MYPN: variants seen among roughly 807,000 people sequenced by gnomAD.
MYPN encodes sarcomeric protein myopalladin, 145 kDa (MYOP).
MYPN carries 63 observed loss-of-function variants against 129.4 expected under a neutral mutation model. The ratio of observed to expected loss-of-function variants is 0.49; its 90% confidence interval spans 0.40 to 0.60. MYPN has a LOEUF of 0.60. Among genes scored for constraint, MYPN ranks in the 20% least tolerant of loss-of-function variants. The pLI, the probability that MYPN is intolerant of heterozygous loss-of-function variation, is 0.00. For synonymous variants in MYPN, 629 were observed against 600.9 expected, an observed-to-expected ratio of 1.05 and a Z score of -0.68; for missense variants, 1,596 against 1,635.4, an observed-to-expected ratio of 0.98 and a Z score of 0.42.
chr10:68,184,709 G>C (rs1165994635), intron 12 of MYPN, among the ~76,000 whole-genome samples: 1 of 152,228 alleles, frequency 6.6e-6, no homozygotes, highest in African/African-American at 2.4e-5. Context: ...CAGCAGGGTT[G>C]GGTCTGGGGA....
intron 6 of MYPN, among the ~76,000 whole-genome samples, chr10:68,155,628 G>T (rs186157812): frequency 6.6e-6 from 1 of 152,316 alleles, no homozygotes; most frequent in East Asian, 1.9e-4. Context: ...ACCTACTGTT[G>T]TGATGAACGT....
Position 68,145,445 on chromosome 10 carries a change from C to T in MYPN, c.1079-30C>T, listed in dbSNP as rs748225540. On this transcript the variant is annotated intron_variant, in intron 3 of 19. Transcript: ENST00000358913. ...CCAATTTAAGAAATTGTCATCTTAACAATCTTATGTCTTGTTTTTATTTTT... is the reference window on the plus strand; with the variant it reads ...CCAATTTAAGAAATTGTCATCTTAATAATCTTATGTCTTGTTTTTATTTTT... 60 of 1,593,510 alleles carry T rather than the reference C, an allele frequency of 3.8e-5. 1 individual carries two copies. The Middle Eastern group carries it at 5.1e-4, about 13-fold the overall frequency.
rs563194033 is a variant in MYPN at position 68,126,520 on chromosome 10, G to A, written c.902+4180G>A. On this transcript the variant is annotated intron_variant, in intron 2 of 19. Coordinates refer to ENST00000358913, the MANE Select transcript of MYPN (RefSeq NM_032578.4). ...GCCATGAAGCCACTTAGGAAGCTGC[G>A]GAAGGTATCCTAGGCATCTGATGCT... Among the ~76,000 whole-genome samples the A allele has an allele frequency of 1.7e-4, 26 of 152,280 alleles. No individual in the cohort carries two copies. The East Asian group carries it at 3.5e-3, about 20-fold the overall frequency.
intron 3 of MYPN, among the ~76,000 whole-genome samples, chr10:68,143,622 G>A (rs957020120): frequency 9.9e-5 from 15 of 151,846 alleles, no homozygotes; most frequent in African/African-American, 3.6e-4. Flanking sequence ...GAAGGAGGGA[G>A]GTAAGCAGAT....
intron 12 of MYPN, among the ~76,000 whole-genome samples, chr10:68,177,268 C>T (rs756888487): frequency 2.0e-5 from 3 of 152,172 alleles, no homozygotes; most frequent in Admixed American, 6.5e-5. Context: ...CTGGACTAAT[C>T]GCAGGAACTA....
rs186381346 is a variant in MYPN at position 68,175,435 on chromosome 10, T to G, written c.2677T>G (p.Phe893Val). The G allele has an allele frequency of 6.2e-7, 1 of 1,614,098 alleles. No individual in the cohort carries two copies. Among genetic ancestry groups the G allele is most frequent in the East Asian group, 2.2e-5 (1 of 44,880 alleles). ...TCGAGACTTGGGGAAAAAAATAACT[T>G]TCAGTGATGTCAGACCAAACCAGCA... The part of the protein sequence containing the change: ...VIRDLGKKIT[F>V]SDVRPNQQEY... Residue 893 changes from phenylalanine (F) to valine (V), a missense_variant, in exon 12 of 20, where the codon TTC (phenylalanine) becomes GTC (valine). By Grantham distance (50) the Phe-to-Val change is conservative (BLOSUM62 -1). Transcript: ENST00000358913.
In MYPN at chr10:68,162,694, G is replaced by T. The variant is rs146292988; in HGVS notation, c.1483+942G>T. 1.9e-3 allele frequency among the ~76,000 whole-genome samples: 283 copies of T among 152,286 alleles called. 1 individual carries two copies. Among genetic ancestry groups the T allele is most frequent in the African/African-American group, 6.4e-3 (266 of 41,566 alleles). On this transcript the variant is annotated intron_variant, in intron 8 of 19. Transcript: ENST00000358913. ...CTTCAGGCCGGGCATGGTGGTTCACGCCTGTAATCCCAGCACTTTGGGAGG... is the reference window on the plus strand; with the variant it reads ...CTTCAGGCCGGGCATGGTGGTTCACTCCTGTAATCCCAGCACTTTGGGAGG...
At chr10:68,197,269 CT>C (rs1228837261) in intron 15 of MYPN, 82 bp from the exon 16 acceptor site, 3 of 1,521,858 alleles carry the variant, frequency 2.0e-6, no homozygotes, top group African/African-American at 1.4e-5. Flanking sequence ...TTCTCTAGGT[CT>C]GTAGCCATGC....
intron 2 of MYPN, among the ~76,000 whole-genome samples, chr10:68,132,948 A>C (rs2134030177): frequency 6.6e-6 from 1 of 151,970 alleles, no homozygotes; most frequent in South Asian, 2.1e-4. Context: ...GACTGAGCAC[A>C]TGGGCCTATC....
chr10:68,136,801 T>C, intron 2 of MYPN: 1 of 1,426,366 alleles, frequency 7.0e-7, no homozygotes, highest in Non-Finnish European at 9.5e-7. Context: ...AAAGTATTAG[T>C]TTTGAAATAG....
At chr10:68,194,894 G>A (rs796456564) in intron 14 of MYPN, among the ~76,000 whole-genome samples, 13 of 152,292 alleles carry the variant, frequency 8.5e-5, no homozygotes, top group African/African-American at 2.4e-4. Context: ...ATTACTTTGC[G>A]AAGGTTTGTG....
intron 12 of MYPN, among the ~76,000 whole-genome samples, chr10:68,182,347 AACATATATATAAC>A (rs1234947810): frequency 3.0e-5 from 3 of 98,950 alleles, no homozygotes; most frequent in South Asian, 6.3e-4. Flanking sequence ...ACACATATAT[AACATATATATAAC>A]ACATATATAT....
intron 13 of MYPN, among the ~76,000 whole-genome samples, chr10:68,190,725 G>A: frequency 6.6e-6 from 1 of 152,054 alleles, no homozygotes; most frequent in Non-Finnish European, 1.5e-5. Flanking sequence ...TTTGTTGCCT[G>A]TGCTTTTAAG....
At chr10:68,110,073 C>A (rs1307101146) in intron 1 of MYPN, among the ~76,000 whole-genome samples, 2 of 152,182 alleles carry the variant, frequency 1.3e-5, no homozygotes, top group Non-Finnish European at 2.9e-5. Flanking sequence ...TGCCAGTTTC[C>A]TTTTTAAAGG....
At chr10:68,182,707 C>A (rs1308180110) in intron 12 of MYPN, among the ~76,000 whole-genome samples, 1 of 151,808 alleles carries the variant, frequency 6.6e-6, no homozygotes, top group African/African-American at 2.4e-5. Flanking sequence ...GAGGTTTCAC[C>A]CCATTGGACT....
intron 2 of MYPN, among the ~76,000 whole-genome samples, chr10:68,130,995 T>A (rs1274837332): frequency 6.6e-6 from 1 of 152,214 alleles, no homozygotes. Context: ...TATAATAGGC[T>A]TTTCACAGCT....
intron 6 of MYPN, among the ~76,000 whole-genome samples, chr10:68,152,693 T>G (rs1463729355): frequency 6.6e-6 from 1 of 152,196 alleles, no homozygotes; most frequent in Non-Finnish European, 1.5e-5. Context: ...TAGAGTGCAA[T>G]GGCATGATCT....
In MYPN at chr10:68,148,356, C is replaced by T. The variant is rs145701607; in HGVS notation, c.1134C>T (p.Ile378=). 11,140 of 1,611,158 alleles carry T rather than the reference C, an allele frequency of 6.9e-3. 42 individuals are homozygous for T. Among genetic ancestry groups the T allele is most frequent in the Middle Eastern group, 0.014 (85 of 6,058 alleles). Residue 378 remains isoleucine (I), a synonymous_variant, in exon 5 of 20, where the codon ATC becomes ATT. Transcript: ENST00000358913. Reference sequence around the variant, plus strand: ...CTATATTTTAATAATTTCTCAGAATCCAGAAGCCAAATGAGGTGTCATCTC... The same window carrying T: ...CTATATTTTAATAATTTCTCAGAATTCAGAAGCCAAATGAGGTGTCATCTC... ...GDPNKEEMNR[I]QKPNEVSSPP... is the part of the protein sequence containing the mutation.
chr10:68,167,263 A>C (rs1350662119), intron 10 of MYPN, among the ~76,000 whole-genome samples: 2 of 152,190 alleles, frequency 1.3e-5, no homozygotes, highest in Admixed American at 1.3e-4. Context: ...TTCTCTCATA[A>C]AGACTTTTTT....
Sources: allele counts gnomAD v4.1 joint callset (sites outside exome capture counted in the v4.1 genomes callset), GRCh38; gene constraint gnomAD v4.1.1; transcripts MANE v1.5; gene names NCBI Gene and HGNC (gene_info 2026-07-23, HGNC 2026-07-21).